RTL9: variants seen among roughly 807,000 people sequenced by gnomAD.
RTL9 encodes retrotransposon Gag-like protein 9.
Under a neutral mutation model 44.7 loss-of-function variants are expected in RTL9, and 19 were observed. That is an observed-to-expected ratio of 0.42 (90% CI 0.30 to 0.62). The LOEUF is 0.62. Ranked by LOEUF, RTL9 falls within the 20% of genes least tolerant of loss-of-function variation. RTL9 has a pLI of 0.16. For missense variants in RTL9, 1,105 were observed against 1,080.6 expected, an observed-to-expected ratio of 1.02 and a Z score of -0.32; for synonymous variants, 407 against 398.9, an observed-to-expected ratio of 1.02 and a Z score of -0.24.
rs965580098 is a variant in RTL9 at position 110,358,897 on chromosome X, G to A, written c.-187G>A. ...GGTCCCAGGAGAAAGTGCCAGCCAT[G>A]AGGACTGGAGTATTGCCTGGTAAGG... On this transcript the variant is annotated 5_prime_UTR_variant, in exon 1 of 3. The change abolishes an upstream ATG in the 5' untranslated region. Coordinates refer to the RTL9 transcript ENST00000520821. 5.4e-5 allele frequency: 6 copies of A among 111,449 alleles called. No homozygotes were observed. Among genetic ancestry groups the A allele is most frequent in the African/African-American group, 2.0e-4 (6 of 30,631 alleles). 9.2% of individuals were successfully genotyped at this position (111,449 alleles called of 1,213,427 possible).
upstream of RTL9, among the ~76,000 whole-genome samples, chrX:110,445,620 G>C (rs771647504): frequency 6.5e-4 from 73 of 111,751 alleles, no homozygotes; most frequent in Non-Finnish European, 7.9e-4. Flanking sequence ...TATTTGCTAG[G>C]ACTTGGGGAA....
intron 1 of RTL9, among the ~76,000 whole-genome samples, chrX:110,392,253 G>T (rs1283599779): frequency 1.9e-5 from 2 of 106,945 alleles, no homozygotes; most frequent in Non-Finnish European, 3.8e-5. Flanking sequence ...AGATTTAAAT[G>T]CTCAAATTTC....
intron 1 of RTL9, among the ~76,000 whole-genome samples, chrX:110,439,135 C>T (rs1205288332): frequency 9.0e-6 from 1 of 111,725 alleles, no homozygotes; most frequent in South Asian, 3.8e-4. Flanking sequence ...CAGCAGTCCC[C>T]GACAGAAGGA....
intron 1 of RTL9, among the ~76,000 whole-genome samples, chrX:110,366,408 C>T (rs1003606229): frequency 4.5e-5 from 5 of 111,635 alleles, no homozygotes; most frequent in Admixed American, 9.5e-5. Flanking sequence ...TGACCTCACT[C>T]ACAGAGATGG....
At chrX:110,431,264 C>T (rs2068794083) in intron 1 of RTL9, among the ~76,000 whole-genome samples, 1 of 110,051 alleles carries the variant, frequency 9.1e-6, no homozygotes, top group Admixed American at 9.7e-5. Flanking sequence ...TTGCAGTGAT[C>T]ATGGGGACAG....
At chrX:110,366,904 C>T (rs1413984734) in intron 1 of RTL9, among the ~76,000 whole-genome samples, 1 of 111,909 alleles carries the variant, frequency 8.9e-6, no homozygotes, top group Non-Finnish European at 1.9e-5. Context: ...GGCTTTTTTA[C>T]ATCTTTCCTT....
chrX:110,446,414 CG>C (rs368525148), upstream of RTL9, among the ~76,000 whole-genome samples: 4 of 109,256 alleles, frequency 3.7e-5, no homozygotes, highest in African/African-American at 6.7e-5. Context: ...TTGCTTGGGT[CG>C]GGGGGTGGAT....
At chrX:110,364,741 T>C (rs2068285902) in intron 1 of RTL9, among the ~76,000 whole-genome samples, 1 of 111,696 alleles carries the variant, frequency 9.0e-6, no homozygotes, top group African/African-American at 3.3e-5. Context: ...CTGCCAGCCA[T>C]ACTAATTTCT....
intron 1 of RTL9, among the ~76,000 whole-genome samples, chrX:110,401,093 G>A (rs765012754): frequency 2.7e-5 from 3 of 112,398 alleles, no homozygotes; most frequent in African/African-American, 9.7e-5. Context: ...TTTTACAGAT[G>A]AAAGTGGAAA....
At chrX:110,389,062 A>G (rs187393497) in intron 1 of RTL9, among the ~76,000 whole-genome samples, 2 of 112,505 alleles carry the variant, frequency 1.8e-5, no homozygotes, top group African/African-American at 6.5e-5. Flanking sequence ...AGATATTAAT[A>G]GGTAGGCAAT....
intron 1 of RTL9, among the ~76,000 whole-genome samples, chrX:110,396,480 C>T (rs2068529217): frequency 8.9e-6 from 1 of 112,121 alleles, no homozygotes. Context: ...TCAAACCATG[C>T]TCTTGAGCAC....
intron 1 of RTL9, among the ~76,000 whole-genome samples, chrX:110,413,940 T>C (rs1426743440): frequency 2.7e-5 from 3 of 112,034 alleles, no homozygotes; most frequent in African/African-American, 9.8e-5. Flanking sequence ...ATGAGGAAGA[T>C]ACTATTGTGG....
intron 1 of RTL9, among the ~76,000 whole-genome samples, chrX:110,378,008 C>CAAAAAAAAAAAAAAAA (rs755483656): frequency 3.2e-5 from 1 of 30,946 alleles, no homozygotes; most frequent in African/African-American, 1.4e-4. Flanking sequence ...GACTCCGTCT[C>CAAAAAAAAAAAAAAAA]AAAAAAAAAA....
At chrX:110,414,494 G>T (rs1186043592), upstream of RTL9, among the ~76,000 whole-genome samples, 1 of 112,921 alleles carries the variant, frequency 8.9e-6, no homozygotes, top group African/African-American at 3.2e-5. Flanking sequence ...TTTGCATGCA[G>T]TGTTTCATTT....
intron 1 of RTL9, among the ~76,000 whole-genome samples, chrX:110,389,274 G>A (rs1161336991): frequency 8.9e-6 from 1 of 112,605 alleles, no homozygotes; most frequent in East Asian, 2.8e-4. Flanking sequence ...AAGATCCTTC[G>A]TTAACACTTG....
chrX:110,454,567 C>T, exon 1 of RTL9: 1 of 1,211,538 alleles, frequency 8.3e-7, no homozygotes, highest in Non-Finnish European at 1.1e-6. Flanking sequence ...GAGAAGGATT[C>T]CCCAGGCAAC....
intron 1 of RTL9, among the ~76,000 whole-genome samples, chrX:110,404,839 A>AAGCCTC (rs1420709954): frequency 8.9e-6 from 1 of 111,781 alleles, no homozygotes; most frequent in Non-Finnish European, 1.9e-5. Context: ...TTTTCTTGGC[A>AAGCCTC]TAAGTAAAAA....
chrX:110,438,880 G>A (rs1338497540), intron 1 of RTL9, among the ~76,000 whole-genome samples: 2 of 112,011 alleles, frequency 1.8e-5, no homozygotes, highest in Non-Finnish European at 3.8e-5. Context: ...GAAATAAAAG[G>A]GCAAAATATG....
intron 1 of RTL9, among the ~76,000 whole-genome samples, chrX:110,391,889 G>T (rs961055303): frequency 8.9e-6 from 1 of 111,791 alleles, no homozygotes; most frequent in African/African-American, 3.3e-5. Context: ...TTTCATCCCT[G>T]ATTTTGTCAA....
Sources: gnomAD v4.1 joint callset for allele counts (sites outside exome capture counted in the v4.1 genomes callset) on GRCh38, gnomAD v4.1.1 for gene constraint, MANE v1.5 for transcripts, NCBI Gene and HGNC (gene_info 2026-07-23, HGNC 2026-07-21) for gene names.